NTM: variants seen among roughly 807,000 people sequenced by gnomAD.
NTM encodes the protein neurotrimin, also known as IgLON family member 2.
Under a neutral mutation model 42.1 loss-of-function variants are expected in NTM, and 13 were observed. The ratio of observed to expected loss-of-function variants is 0.31; its 90% CI spans 0.20 to 0.49. NTM has a LOEUF of 0.49. Ranked by LOEUF, NTM falls within the 20% of genes least tolerant of loss-of-function variation. NTM has a pLI of 0.99. For missense variants in NTM, 373 were observed against 452.8 expected (o/e 0.82, Z 1.60); for synonymous variants, 187 against 179.2 (o/e 1.04, Z -0.35).
At chr11:132,279,286 A>C (rs2093872078) in intron 4 of NTM, among the ~76,000 whole-genome samples, 1 of 152,112 alleles carries the variant, frequency 6.6e-6, no homozygotes, top group African/African-American at 2.4e-5. Flanking sequence ...ATTATCTCTT[A>C]CTGGAATCAT....
At chr11:131,882,238 G>C (rs1032479320) in intron 1 of NTM, among the ~76,000 whole-genome samples, 4 of 152,194 alleles carry the variant, frequency 2.6e-5, no homozygotes, top group Non-Finnish European at 5.9e-5. Flanking sequence ...TGAACAACTA[G>C]TTAATGGAAT....
At chr11:131,672,210 A>G (rs186535945) in intron 1 of NTM, among the ~76,000 whole-genome samples, 1 of 152,290 alleles carries the variant, frequency 6.6e-6, no homozygotes. Flanking sequence ...CAGAGCAGCA[A>G]GGGGACCCTT....
At chr11:131,519,999 G>A (rs1458780938) in intron 1 of NTM, among the ~76,000 whole-genome samples, 6 of 151,592 alleles carry the variant, frequency 4.0e-5, no homozygotes, top group South Asian at 2.1e-4. Flanking sequence ...GTTATGACCA[G>A]CCCAACTCTT....
At chr11:132,279,102 C>T (rs1383181230) in intron 4 of NTM, among the ~76,000 whole-genome samples, 1 of 152,190 alleles carries the variant, frequency 6.6e-6, no homozygotes, top group Non-Finnish European at 1.5e-5. Context: ...ACAGAGAATA[C>T]CACAGCTATC....
intron 1 of NTM, among the ~76,000 whole-genome samples, chr11:131,656,819 G>C (rs1031009323): frequency 6.6e-6 from 1 of 152,156 alleles, no homozygotes; most frequent in Non-Finnish European, 1.5e-5. Flanking sequence ...GTTTGGAGTA[G>C]GTATGCAACT....
chr11:132,062,924 G>A (rs2080899322), intron 2 of NTM, among the ~76,000 whole-genome samples: 1 of 152,154 alleles, frequency 6.6e-6, no homozygotes, highest in Admixed American at 6.5e-5. Context: ...GATGGGTGGG[G>A]CTTTCGAAAG....
chr11:131,818,527 C>T (rs2093043948), intron 1 of NTM, among the ~76,000 whole-genome samples: 1 of 152,090 alleles, frequency 6.6e-6, no homozygotes, highest in Non-Finnish European at 1.5e-5. Flanking sequence ...CAGCAGTCAG[C>T]CTCTTGAAAG....
chr11:131,671,014 T>C (rs2070114021), intron 1 of NTM, among the ~76,000 whole-genome samples: 1 of 152,120 alleles, frequency 6.6e-6, no homozygotes, highest in African/African-American at 2.4e-5. Context: ...CCCCTCTTCC[T>C]CCTGCTCTGT....
At chr11:131,687,044 CAG>C (rs2073978467) in intron 1 of NTM, among the ~76,000 whole-genome samples, 2 of 152,132 alleles carry the variant, frequency 1.3e-5, no homozygotes, top group African/African-American at 4.8e-5. Context: ...CTGCTGGACT[CAG>C]AGACAGCAGG....
chr11:131,917,465 A>G (rs1234852409), intron 2 of NTM, among the ~76,000 whole-genome samples: 2 of 152,128 alleles, frequency 1.3e-5, no homozygotes, highest in African/African-American at 2.4e-5. Context: ...CCATTATTTC[A>G]TATTTGCACC....
chr11:132,180,814 G>C (rs944007993), intron 3 of NTM, among the ~76,000 whole-genome samples: 5 of 152,036 alleles, frequency 3.3e-5, no homozygotes, highest in Non-Finnish European at 7.4e-5. Context: ...ACCCGGTGAG[G>C]CTCTCCCATC....
intron 2 of NTM, among the ~76,000 whole-genome samples, chr11:131,927,749 T>C: frequency 6.6e-6 from 1 of 152,238 alleles, no homozygotes; most frequent in East Asian, 1.9e-4. Context: ...ATTGACACTG[T>C]TACAGAGACA....
intron 1 of NTM, among the ~76,000 whole-genome samples, chr11:131,760,161 G>C (rs1210837822): frequency 6.6e-6 from 1 of 152,168 alleles, no homozygotes; most frequent in Non-Finnish European, 1.5e-5. Context: ...GTTATGAGAA[G>C]AAGCATGACA....
In NTM at chr11:132,071,620, A is replaced by G. The variant is rs2057684517; in HGVS notation, c.168-74662A>G. ...GGGAAGGGCATGGTAAATATTTAGA[A>G]TAAGCTAAACTTCTAATGAAATGAG... On this transcript the variant is annotated intron_variant, in intron 2 of 8. Coordinates refer to ENST00000683400, the MANE Select transcript of NTM (RefSeq NM_001352005.2). 2.0e-5 allele frequency among the ~76,000 whole-genome samples: 3 copies of G among 152,188 alleles called. 1 individual carries two copies. The highest frequency in any genetic ancestry group is 6.5e-5 in the Admixed American group (1 of 15,278).
At chr11:132,314,833 A>G (rs1439779907) in intron 7 of NTM, 130 bp downstream of exon 7, 1 of 1,401,866 alleles carries the variant, frequency 7.1e-7, no homozygotes, top group Admixed American at 3.1e-5. Flanking sequence ...GGGAGGAAAA[A>G]AAAGAGAGAG....
rs2048867740 is a variant in NTM, at chr11:131,516,190, TTA to T, written c.82+145304_82+145305del. Among the ~76,000 whole-genome samples, 3 of 152,322 alleles carry T rather than the reference TTA, an allele frequency of 2.0e-5. No individual in the cohort carries two copies. The South Asian group carries it at 6.2e-4, about 32-fold the overall frequency. On this transcript the variant is annotated intron_variant, in intron 1 of 8. Coordinates refer to ENST00000683400, the MANE Select transcript of NTM (RefSeq NM_001352005.2). ...ATTTCTCAAAGTGCTTTTACATATA[TTA>T]TCTCATCGATTTACACAATGGTCCT...
At chr11:131,619,456 C>T (rs928200235) in intron 1 of NTM, among the ~76,000 whole-genome samples, 2 of 152,142 alleles carry the variant, frequency 1.3e-5, no homozygotes, top group African/African-American at 4.8e-5. Flanking sequence ...ATGAGCAACT[C>T]TTTTGCAGTA....
chr11:131,966,760 C>T (rs1185366110), intron 2 of NTM, among the ~76,000 whole-genome samples: 2 of 152,088 alleles, frequency 1.3e-5, no homozygotes, highest in Admixed American at 6.5e-5. Context: ...AAACAGGACC[C>T]AGTGGATGGC....
intron 1 of NTM, among the ~76,000 whole-genome samples, chr11:131,438,352 C>T (rs1287912871): frequency 6.6e-6 from 1 of 151,456 alleles, no homozygotes; most frequent in African/African-American, 2.4e-5. Context: ...GGGAAGTTCT[C>T]CTGGATAATG....
Sources: allele counts gnomAD v4.1 joint callset (sites outside exome capture counted in the v4.1 genomes callset), GRCh38; gene constraint gnomAD v4.1.1; transcripts MANE v1.5; gene names NCBI Gene and HGNC (gene_info 2026-07-23, HGNC 2026-07-21).